The following MAGOH variants were observed in gnomAD, a reference collection of about 807,000 sequenced individuals.
The protein encoded by MAGOH is mago homolog, exon junction complex subunit.
A neutral mutation model predicts 20.9 loss-of-function variants in MAGOH; 3 were observed. The observed-to-expected ratio is 0.14, with a 90% CI of 0.07 to 0.37. MAGOH has a LOEUF of 0.37. Ranked by LOEUF, MAGOH falls within the 10% of genes least tolerant of loss-of-function variation. MAGOH has a pLI of 1.00. For synonymous variants in MAGOH, 51 were observed against 61.0 expected (o/e 0.84, Z 0.76); for missense variants, 66 against 178.1 (o/e 0.37, Z 3.58).
At chr1:53,236,869 A>C in intron 1 of MAGOH, among the ~76,000 whole-genome samples, 1 of 152,024 alleles carries the variant, frequency 6.6e-6, no homozygotes. Context: ...ATCAACGATC[A>C]AAGTCCAGTT....
At chr1:53,235,495 T>G (rs1395112358) in intron 2 of MAGOH, 82 bp downstream of exon 2, 42 of 1,166,464 alleles carry the variant, frequency 3.6e-5, no homozygotes, top group Non-Finnish European at 5.4e-5. Flanking sequence ...CTTTCAATAC[T>G]ACTAGAAACA....
At chr1:53,231,155 C>G (rs2100303770) in intron 3 of MAGOH, among the ~76,000 whole-genome samples, 1 of 152,268 alleles carries the variant, frequency 6.6e-6, no homozygotes, top group African/African-American at 2.4e-5. Context: ...GTTGTCCTTT[C>G]ATTTTACAAA....
At chr1:53,228,811 G>A in intron 4 of MAGOH, 61 bp downstream of exon 4, 1 of 1,298,690 alleles carries the variant, frequency 7.7e-7, no homozygotes, top group Non-Finnish European at 1.1e-6. Context: ...ATTTGGTTAA[G>A]GTTTCTTATC....
chr1:53,235,462 G>T (rs1645606257), intron 2 of MAGOH, 115 bp downstream of exon 2: 1 of 847,480 alleles, frequency 1.2e-6, no homozygotes, highest in Non-Finnish European at 1.9e-6. Context: ...CTACAGACAT[G>T]TGTCTCTCTC....
At chr1:53,235,999 T>A (rs114117476) in intron 1 of MAGOH, among the ~76,000 whole-genome samples, 445 of 152,366 alleles carry the variant, frequency 2.9e-3, no homozygotes, top group African/African-American at 9.9e-3. Context: ...TCAAATGAGC[T>A]GTGAAAACAT....
At chr1:53,237,109 C>T (rs1406631372) in intron 1 of MAGOH, among the ~76,000 whole-genome samples, 3 of 151,536 alleles carry the variant, frequency 2.0e-5, no homozygotes, top group Non-Finnish European at 2.9e-5. Context: ...CCACCACACC[C>T]GGCTAATTTT....
intron 2 of MAGOH, 196 bp from the exon 3 acceptor site, chr1:53,233,848 G>C (rs376314830): frequency 3.9e-6 from 2 of 509,220 alleles, no homozygotes; most frequent in Non-Finnish European, 7.1e-6. Flanking sequence ...CTGCACCTCA[G>C]TCCCCTATCT....
At chr1:53,234,101 A>AG (rs1645599524) in intron 2 of MAGOH, among the ~76,000 whole-genome samples, 3 of 152,272 alleles carry the variant, frequency 2.0e-5, no homozygotes, top group Non-Finnish European at 4.4e-5. Context: ...GTGCTTTAGG[A>AG]GAGAGCTTAA....
intron 1 of MAGOH, among the ~76,000 whole-genome samples, chr1:53,237,673 C>CAAAAAAAAAAAAAAAAAAAAAAAAAAAA (rs1231950502): frequency 3.6e-5 from 2 of 55,330 alleles, no homozygotes; most frequent in Non-Finnish European, 7.1e-5. Context: ...AAAGCCGTCT[C>CAAAAAAAAAAAAAAAAAAAAAAAAAAAA]AAAAAAAAAA....
intron 2 of MAGOH, 93 bp from the exon 3 acceptor site, chr1:53,233,745 A>G (rs1645597563): frequency 2.4e-6 from 2 of 837,580 alleles, no homozygotes; most frequent in Non-Finnish European, 4.0e-6. Context: ...CTGTTCCTGC[A>G]GACTTATTTC....
In MAGOH at chr1:53,231,105, TTC is replaced by T. The variant is rs554528216; in HGVS notation, c.259-2153_259-2152del. ...CATTTTTTAAATTCGGCAGATTTTTTTCTGTTTTTATTCTAATGGGTCTGAAA... is the reference window on the plus strand; with the variant it reads ...CATTTTTTAAATTCGGCAGATTTTTTTGTTTTTATTCTAATGGGTCTGAAA... On this transcript the variant is annotated intron_variant, in intron 3 of 4. Transcript: ENST00000371470. 1.8e-4 allele frequency among the ~76,000 whole-genome samples: 27 copies of T among 152,336 alleles called. 1 individual carries two copies. In the South Asian group the frequency reaches 5.4e-3, roughly 30 times the overall value.
intron 4 of MAGOH, among the ~76,000 whole-genome samples, chr1:53,227,891 T>G (rs1327957610): frequency 6.6e-6 from 1 of 152,022 alleles, no homozygotes; most frequent in Admixed American, 6.6e-5. Context: ...GACCAAGAGG[T>G]TGAAGATTAC....
chr1:53,227,432 CTGAT>C (rs1274863577), intron 4 of MAGOH, among the ~76,000 whole-genome samples: 7 of 152,132 alleles, frequency 4.6e-5, no homozygotes, highest in Non-Finnish European at 7.4e-5. Flanking sequence ...TAATGGTTGT[CTGAT>C]TGATAAACTT....
intron 1 of MAGOH, among the ~76,000 whole-genome samples, chr1:53,237,566 C>T (rs796954692): frequency 9.5e-5 from 14 of 147,752 alleles, no homozygotes; most frequent in African/African-American, 3.3e-4. Context: ...TCCAGCTACT[C>T]GGGAGGCTGA....
At chr1:53,235,911 A>G (rs1252647630) in intron 1 of MAGOH, among the ~76,000 whole-genome samples, 1 of 152,228 alleles carries the variant, frequency 6.6e-6, no homozygotes, top group African/African-American at 2.4e-5. Context: ...ACTTTGTCAA[A>G]TCACATTTTT....
chr1:53,228,552 C>T (rs1645571656), intron 4 of MAGOH, among the ~76,000 whole-genome samples: 1 of 152,190 alleles, frequency 6.6e-6, no homozygotes, highest in South Asian at 2.1e-4. Flanking sequence ...GAAAGCTATT[C>T]AGACTCGGTG....
chr1:53,226,934 T>A lies in MAGOH; in HGVS notation c.*111A>T. On this transcript the variant is annotated 3_prime_UTR_variant, in exon 5 of 5. Coordinates refer to ENST00000371470, the MANE Select transcript of MAGOH (RefSeq NM_002370.4). ...TTATAAAATAATAAAAATTGGATTT[T>A]ATCACATATTTATTAAAGACAATCA... 1 of 630,552 alleles carries A rather than the reference T, an allele frequency of 1.6e-6. No individual in the cohort carries two copies. Among genetic ancestry groups the A allele is most frequent in the Non-Finnish European group, 2.8e-6 (1 of 360,306 alleles). The allele number at this position is 630,552 out of a possible 1,614,324, so 39.1% of individuals were successfully genotyped here.
chr1:53,227,034 C>CCAA lies in MAGOH; in HGVS notation c.*10_*11insTTG. 26 of 1,380,106 alleles carry CCAA rather than the reference C, an allele frequency of 1.9e-5. No individual in the cohort carries two copies. The highest frequency in any genetic ancestry group is 2.4e-5 in the Non-Finnish European group (24 of 996,866). The allele number at this position is 1,380,106 out of a possible 1,614,324, so 85.5% of individuals were successfully genotyped here. On this transcript the variant is annotated 3_prime_UTR_variant, in exon 5 of 5. Coordinates refer to ENST00000371470, the MANE Select transcript of MAGOH (RefSeq NM_002370.4). ...TCCCACCCACCCCCCATGTCCACAC[C>CCAA]AATATTCAGTCTAGATTGGTTTAAT...
chr1:53,230,593 G>GT (rs77270897), intron 3 of MAGOH, among the ~76,000 whole-genome samples: 267 of 143,256 alleles, frequency 1.9e-3, no homozygotes, highest in South Asian at 4.6e-3. Flanking sequence ...AATTTTTAGG[G>GT]TTTTTTTTTT....
Sources: gnomAD v4.1 joint callset for allele counts (sites outside exome capture counted in the v4.1 genomes callset) on GRCh38, gnomAD v4.1.1 for gene constraint, MANE v1.5 for transcripts, NCBI Gene and HGNC (gene_info 2026-07-23, HGNC 2026-07-21) for gene names.